SMIM21: variants seen among roughly 807,000 people sequenced by gnomAD.
SMIM21 encodes the protein small integral membrane protein 21.
In SMIM21, 8 loss-of-function variants were observed where a neutral mutation model predicts 8.6. The observed-to-expected ratio is 0.93, with a 90% CI of 0.55 to 1.68. The LOEUF (loss-of-function observed/expected upper bound fraction) is 1.68, where lower values mean the gene tolerates loss of function less well. SMIM21 is among the 40% of genes most tolerant of loss of function. The pLI is 0.00. For synonymous variants in SMIM21, 43 were observed against 41.7 expected (o/e 1.03, Z -0.12); for missense variants, 132 against 123.0 (o/e 1.07, Z -0.35).
chr18:75,422,609 G>T (rs527889113), intron 1 of SMIM21, among the ~76,000 whole-genome samples: 3 of 152,170 alleles, frequency 2.0e-5, no homozygotes, highest in Non-Finnish European at 2.9e-5. Context: ...TGATAAATCC[G>T]TAGAGTGGAA....
intron 2 of SMIM21, chr18:75,418,054 A>C (rs2024667109): frequency 5.1e-6 from 2 of 395,290 alleles, no homozygotes. Flanking sequence ...GACATTTGGA[A>C]GAGCTTGTGC....
chr18:75,421,971 C>T (rs748743721), intron 1 of SMIM21, among the ~76,000 whole-genome samples: 20 of 151,936 alleles, frequency 1.3e-4, no homozygotes, highest in Non-Finnish European at 2.5e-4. Flanking sequence ...TCAGGGACTC[C>T]CGGACTACAC....
intron 2 of SMIM21, among the ~76,000 whole-genome samples, chr18:75,418,569 C>T (rs764431165): frequency 1.2e-4 from 18 of 152,132 alleles, no homozygotes; most frequent in Non-Finnish European, 2.2e-4. Flanking sequence ...TCTATGTGGC[C>T]CCGTGCTCTA....
chr18:75,419,596 G>A (rs770403144), intron 1 of SMIM21, among the ~76,000 whole-genome samples: 11 of 152,154 alleles, frequency 7.2e-5, no homozygotes, highest in South Asian at 2.1e-4. Context: ...TCAAGGTGGT[G>A]GCCATTGGAA....
intron 2 of SMIM21, among the ~76,000 whole-genome samples, chr18:75,418,453 G>T (rs2024671903): frequency 6.6e-6 from 1 of 152,162 alleles, no homozygotes; most frequent in South Asian, 2.1e-4. Context: ...GCTCTCAGAG[G>T]CGATTAGAGA....
chr18:75,414,568 G>T (rs1276892716), intron 2 of SMIM21, among the ~76,000 whole-genome samples: 1 of 152,164 alleles, frequency 6.6e-6, no homozygotes, highest in African/African-American at 2.4e-5. Flanking sequence ...GGGGCTTTCT[G>T]GAGAACTACA....
intron 1 of SMIM21, among the ~76,000 whole-genome samples, chr18:75,424,281 G>A (rs1332568809): frequency 1.3e-5 from 2 of 152,116 alleles, no homozygotes; most frequent in African/African-American, 2.4e-5. Context: ...ACGTCAGGAC[G>A]AAAAATGGAA....
Position 75,418,895 on chromosome 18 carries a change from G to A in SMIM21, c.151C>T (p.Arg51Cys), listed in dbSNP as rs868269882. The A allele has an allele frequency of 2.5e-6, 4 of 1,599,678 alleles. No individual in the cohort carries two copies. Among genetic ancestry groups the A allele is most frequent in the South Asian group, 1.1e-5 (1 of 90,600 alleles). ...AAAAGAACCAACAATGTGAAGAAAC[G>A]AATATGGTGTTCATTTTCAAACTGA... ...LTTFENEHHI[R>C]FFTLLVLFHV... The change falls in exon 2 of 3, where the codon CGT (arginine) becomes TGT (cysteine). Residue 51 changes from arginine to cysteine, a missense_variant. Coordinates refer to ENST00000579022, the MANE Select transcript of SMIM21 (RefSeq NM_001037331.3).
At chr18:75,426,453 G>C (rs371577027) in intron 1 of SMIM21, among the ~76,000 whole-genome samples, 9 of 151,824 alleles carry the variant, frequency 5.9e-5, no homozygotes, top group African/African-American at 2.2e-4. Context: ...GGGACTACAA[G>C]TGCCCGCCAC....
At chr18:75,416,019 C>G (rs921367690) in intron 2 of SMIM21, 1 of 152,152 alleles carries the variant, frequency 6.6e-6, no homozygotes, top group African/African-American at 2.4e-5. Flanking sequence ...TGTACATATA[C>G]CTTTATAATG....
At chr18:75,416,878 T>C (rs1057121757) in intron 2 of SMIM21, 2 of 152,184 alleles carry the variant, frequency 1.3e-5, no homozygotes, top group African/African-American at 4.8e-5. Flanking sequence ...TCATCCTTGC[T>C]GTAAGTTGGG....
Position 75,410,905 on chromosome 18 carries a change from G to C in SMIM21, c.265C>G (p.Leu89Val). ...KRANSIFRNF[L>V]RLKSSRNTAE... is the part of the protein sequence containing the mutation. The stretch of plus-strand genomic sequence containing the variant: ...GTGTTCCTGGATGACTTCAAACGTA[G>C]AAAGCTGCAAGAGACAAAAGGGGGA... The change falls in exon 3 of 3, where the codon CTA (leucine) becomes GTA (valine). Residue 89 changes from leucine (L) to valine (V), a missense_variant. By Grantham distance (32) the Leu-to-Val change is conservative. Coordinates refer to ENST00000579022, the MANE Select transcript of SMIM21 (RefSeq NM_001037331.3). 1 of 1,613,976 alleles carries C rather than the reference G, an allele frequency of 6.2e-7. No individual in the cohort carries two copies. Among genetic ancestry groups the C allele is most frequent in the Non-Finnish European group, 8.5e-7 (1 of 1,179,974 alleles).
chr18:75,411,608 G>C (rs1317530484), intron 2 of SMIM21, among the ~76,000 whole-genome samples: 1 of 152,198 alleles, frequency 6.6e-6, no homozygotes, highest in Non-Finnish European at 1.5e-5. Context: ...TGACATTGTG[G>C]GTGACATCGT....
At chr18:75,414,096 C>T (rs1400147439) in intron 2 of SMIM21, among the ~76,000 whole-genome samples, 19 of 138,108 alleles carry the variant, frequency 1.4e-4, no homozygotes, top group African/African-American at 5.5e-4. Flanking sequence ...CACACACACA[C>T]ATACACACAC....
At chr18:75,418,577 CTATCACGGATGGA>C in intron 2 of SMIM21, among the ~76,000 whole-genome samples, 196 bp downstream of exon 2, 1 of 152,338 alleles carries the variant, frequency 6.6e-6, no homozygotes, top group African/African-American at 2.4e-5. Flanking sequence ...GCCCCGTGCT[CTATCACGGATGGA>C]TATTAATTTC....
At chr18:75,423,414 C>T (rs1280337007) in intron 1 of SMIM21, among the ~76,000 whole-genome samples, 1 of 152,196 alleles carries the variant, frequency 6.6e-6, no homozygotes, top group East Asian at 1.9e-4. Flanking sequence ...AAATGTGTTT[C>T]TATAGAACAG....
intron 1 of SMIM21, among the ~76,000 whole-genome samples, chr18:75,422,208 C>T (rs190111193): frequency 6.6e-6 from 1 of 152,268 alleles, no homozygotes; most frequent in Admixed American, 6.5e-5. Flanking sequence ...CCCCTTATTC[C>T]TGAGACAGGG....
intron 1 of SMIM21, among the ~76,000 whole-genome samples, chr18:75,419,808 G>C (rs2144554937): frequency 6.6e-6 from 1 of 152,276 alleles, no homozygotes; most frequent in East Asian, 1.9e-4. Flanking sequence ...TGAGAAAATT[G>C]TTAATATGGG....
At chr18:75,424,443 G>T (rs2024740550) in intron 1 of SMIM21, among the ~76,000 whole-genome samples, 1 of 152,068 alleles carries the variant, frequency 6.6e-6, no homozygotes, top group Admixed American at 6.6e-5. Context: ...TTATTAAGGG[G>T]GTATGTTTAG....
Sources: allele counts gnomAD v4.1 joint callset (sites outside exome capture counted in the v4.1 genomes callset), GRCh38; gene constraint gnomAD v4.1.1; transcripts MANE v1.5; gene names NCBI Gene and HGNC (gene_info 2026-07-23, HGNC 2026-07-21).